The following SMIM45 variants were observed in gnomAD, a reference collection of about 807,000 sequenced individuals.
The protein encoded by SMIM45 is long intergenic non-protein coding RNA 634.
At chr22:41,954,631 A>G in the SMIM45 span, among the ~76,000 whole-genome samples, 113 of 152,358 alleles carry the variant, frequency 7.4e-4, no homozygotes, top group African/African-American at 2.6e-3. Flanking sequence ...ACGGACAGGC[A>G]GTTCCATGTG....
the SMIM45 span, among the ~76,000 whole-genome samples, chr22:41,949,975 C>T: frequency 1.3e-5 from 2 of 152,094 alleles, no homozygotes; most frequent in African/African-American, 2.4e-5. Flanking sequence ...GTCCTCTGGG[C>T]CAGCATTTTT....
At chr22:41,954,335 T>A in the SMIM45 span, among the ~76,000 whole-genome samples, 1 of 150,844 alleles carries the variant, frequency 6.6e-6, no homozygotes, top group Admixed American at 6.6e-5. Context: ...GCCTGTTGAG[T>A]AGCTGGGATT....
At chr22:41,949,989 A>G in the SMIM45 span, among the ~76,000 whole-genome samples, 2 of 151,970 alleles carry the variant, frequency 1.3e-5, no homozygotes, top group Admixed American at 1.3e-4. Context: ...CATTTTTCAA[A>G]TCGGCTTCTG....
chr22:41,948,222 C>T, the SMIM45 span, among the ~76,000 whole-genome samples: 1 of 152,154 alleles, frequency 6.6e-6, no homozygotes, highest in Admixed American at 6.5e-5. Flanking sequence ...CTAAAAGTCC[C>T]TGGTACATCG....
chr22:41,957,071 GT>G, the SMIM45 span, among the ~76,000 whole-genome samples: 1 of 151,602 alleles, frequency 6.6e-6, no homozygotes. Flanking sequence ...GTGAGCCACT[GT>G]GCCCAGCCTA....
chr22:41,950,162 C>G, the SMIM45 span, among the ~76,000 whole-genome samples: 1 of 147,740 alleles, frequency 6.8e-6, no homozygotes, highest in African/African-American at 2.5e-5. Context: ...AATAAGGAAT[C>G]AGTGGCTAAA....
At chr22:41,953,138 C>T in the SMIM45 span, among the ~76,000 whole-genome samples, 8,849 of 152,218 alleles carry the variant, frequency 0.058, 802 homozygotes, top group African/African-American at 0.2. Flanking sequence ...AATACAATGT[C>T]GGTGCCTCAG....
At chr22:41,949,527 A>G in the SMIM45 span, among the ~76,000 whole-genome samples, 1 of 152,228 alleles carries the variant, frequency 6.6e-6, no homozygotes, top group South Asian at 2.1e-4. Context: ...AGGTGAGGCC[A>G]CGGAGGTGAT....
the SMIM45 span, among the ~76,000 whole-genome samples, chr22:41,954,440 C>G: frequency 6.6e-6 from 1 of 152,094 alleles, no homozygotes; most frequent in Non-Finnish European, 1.5e-5. Flanking sequence ...CTCCTGGCCT[C>G]AAGTGATCCA....
the SMIM45 span, among the ~76,000 whole-genome samples, chr22:41,951,028 C>T: frequency 6.6e-6 from 1 of 152,250 alleles, no homozygotes; most frequent in Non-Finnish European, 1.5e-5. Flanking sequence ...ACAGTCACCC[C>T]CCAGTCCCAC....
chr22:41,948,891 T>G, the SMIM45 span, among the ~76,000 whole-genome samples: 8 of 152,230 alleles, frequency 5.3e-5, no homozygotes, highest in Non-Finnish European at 1.0e-4. Context: ...GGAGAAACCC[T>G]GTCTGTACTA....
At chr22:41,949,751 C>CG in the SMIM45 span, among the ~76,000 whole-genome samples, 1 of 152,170 alleles carries the variant, frequency 6.6e-6, no homozygotes, top group African/African-American at 2.4e-5. Flanking sequence ...GGGAGGCCAT[C>CG]GGGGAGCAGC....
the SMIM45 span, chr22:41,957,946 C>G: frequency 6.6e-6 from 1 of 150,510 alleles, no homozygotes; most frequent in Non-Finnish European, 1.5e-5. Context: ...CCCCAGCCCG[C>G]CCCGCCCGCC....
chr22:41,955,002 T>C, the SMIM45 span, among the ~76,000 whole-genome samples: 40 of 151,830 alleles, frequency 2.6e-4, no homozygotes, highest in Non-Finnish European at 5.2e-4. Flanking sequence ...AGACTCTGTC[T>C]CAAAAACAAA....
At chr22:41,948,204 C>T in the SMIM45 span, among the ~76,000 whole-genome samples, 2 of 152,136 alleles carry the variant, frequency 1.3e-5, no homozygotes, top group Non-Finnish European at 2.9e-5. Context: ...CTTTGTATGT[C>T]CAGCACTCTA....
the SMIM45 span, among the ~76,000 whole-genome samples, chr22:41,949,378 T>A: frequency 6.6e-6 from 1 of 152,064 alleles, no homozygotes; most frequent in Non-Finnish European, 1.5e-5. Flanking sequence ...GAGGGGCCCC[T>A]TAAGTATGAT....
the SMIM45 span, among the ~76,000 whole-genome samples, chr22:41,949,422 T>C: frequency 6.6e-6 from 1 of 151,880 alleles, no homozygotes; most frequent in Non-Finnish European, 1.5e-5. Context: ...GCAGTGCAAG[T>C]GGAAAGCCCC....
At chr22:41,949,001 G>T in the SMIM45 span, among the ~76,000 whole-genome samples, 1 of 152,186 alleles carries the variant, frequency 6.6e-6, no homozygotes. Context: ...GGAGGCAGAG[G>T]TTGCAGTGAG....
At chr22:41,947,293 TTCCACGC>T in the SMIM45 span, 12 of 584,792 alleles carry the variant, frequency 2.1e-5, no homozygotes, top group Admixed American at 2.6e-4. Flanking sequence ...AGGCCTTTGG[TTCCACGC>T]TCCACAGTAA....
Sources: gnomAD v4.1 joint callset for allele counts (sites outside exome capture counted in the v4.1 genomes callset) on GRCh38, gnomAD v4.1.1 for gene constraint, MANE v1.5 for transcripts, NCBI Gene and HGNC (gene_info 2026-07-23, HGNC 2026-07-21) for gene names.